SFI1: variants seen among roughly 807,000 people sequenced by gnomAD.
The protein encoded by SFI1 is protein SFI1 homolog.
Under a neutral mutation model 207.5 loss-of-function variants are expected in SFI1, and 195 were observed. The ratio of observed to expected loss-of-function variants is 0.94; its 90% CI spans 0.84 to 1.06. SFI1 has a LOEUF of 1.06. Ranked by LOEUF, SFI1 falls within the 50% of genes least tolerant of loss-of-function variation. The pLI, the probability that SFI1 is intolerant of heterozygous loss-of-function variation, is 0.00. For synonymous variants in SFI1, 630 were observed against 598.9 expected, an observed-to-expected ratio of 1.05 and a Z score of -0.76; for missense variants, 1,634 against 1,588.0, an observed-to-expected ratio of 1.03 and a Z score of -0.49.
intron 5 of SFI1, among the ~76,000 whole-genome samples, chr22:31,547,522 G>A (rs1023735932): frequency 2.0e-5 from 3 of 151,896 alleles, no homozygotes; most frequent in African/African-American, 4.8e-5. Context: ...TGTTGGCTGG[G>A]CTGGTCTTGA....
At chr22:31,563,269 A>G (rs2061916541) in intron 8 of SFI1, among the ~76,000 whole-genome samples, 2 of 152,206 alleles carry the variant, frequency 1.3e-5, no homozygotes, top group South Asian at 4.1e-4. Context: ...CTGGGATTAC[A>G]GGCGTGAACC....
chr22:31,613,824 C>T lies in SFI1; in HGVS notation c.2965C>T (p.Leu989=). Residue 989 remains leucine (L), a synonymous_variant, in exon 27 of 33, where the codon CTG becomes TTG. Coordinates refer to ENST00000400288, the MANE Select transcript of SFI1 (RefSeq NM_001007467.3). ...ASRPLGALGR[L]AAEEPHALEL... ...TCGGCCTCTGGGAGCTCTGGGCCGC[C>T]TGGCTGCTGAGGAGCCCCACGCCCT... The T allele has an allele frequency of 1.2e-6, 2 of 1,609,578 alleles. No individual in the cohort carries two copies. The highest frequency in any genetic ancestry group is 8.5e-7 in the Non-Finnish European group (1 of 1,178,378).
intron 8 of SFI1, among the ~76,000 whole-genome samples, chr22:31,568,507 G>T (rs2062621299): frequency 7.0e-6 from 1 of 142,424 alleles, no homozygotes; most frequent in Non-Finnish European, 1.5e-5. Context: ...ACTTCAGCCT[G>T]GGCGACAGGG....
At chr22:31,594,458 G>A (rs185915388) in intron 15 of SFI1, among the ~76,000 whole-genome samples, 1 of 151,206 alleles carries the variant, frequency 6.6e-6, no homozygotes, top group African/African-American at 2.4e-5. Context: ...TGAGGCAGGA[G>A]AATTGCTTGA....
At chr22:31,602,881 T>C (rs2068344972) in intron 17 of SFI1, 96 bp downstream of exon 17, 2 of 1,339,776 alleles carry the variant, frequency 1.5e-6, no homozygotes, top group African/African-American at 1.5e-5. Context: ...TCTGGAGGAC[T>C]GCATTACCCC....
chr22:31,593,038 C>T (rs1481525985), intron 15 of SFI1, among the ~76,000 whole-genome samples: 1 of 134,750 alleles, frequency 7.4e-6, no homozygotes, highest in Non-Finnish European at 1.6e-5. Flanking sequence ...GGGGGGCTGA[C>T]CCCCCCACCT....
intron 5 of SFI1, among the ~76,000 whole-genome samples, chr22:31,547,553 C>T (rs766602799): frequency 1.3e-5 from 2 of 151,886 alleles, no homozygotes; most frequent in African/African-American, 2.4e-5. Flanking sequence ...TCAGGTGATC[C>T]GCCTGCCTTG....
chr22:31,614,682 T>C, intron 27 of SFI1, 107 bp from the exon 28 acceptor site: 2 of 1,347,382 alleles, frequency 1.5e-6, no homozygotes, highest in Non-Finnish European at 2.1e-6. Flanking sequence ...TGGCCTCGCC[T>C]TTCCTGACTT....
chr22:31,568,121 G>GAACTGT (rs2062512505), intron 8 of SFI1, among the ~76,000 whole-genome samples: 1 of 149,094 alleles, frequency 6.7e-6, no homozygotes, highest in African/African-American at 2.5e-5. Context: ...TCTGCAATTG[G>GAACTGT]AACTGTAAAT....
intron 15 of SFI1, among the ~76,000 whole-genome samples, chr22:31,591,284 G>A (rs1263297827): frequency 1.3e-5 from 2 of 151,978 alleles, no homozygotes; most frequent in Middle Eastern, 3.2e-3. Flanking sequence ...AGGGTTGGGG[G>A]TAAGGTCACA....
rs992671068 is a variant in SFI1 at position 31,539,353 on chromosome 22, T to A, written c.339-7508T>A. 9.9e-5 allele frequency among the ~76,000 whole-genome samples: 15 copies of A among 152,054 alleles called. No individual in the cohort carries two copies. In the Middle Eastern group the frequency reaches 0.013, roughly 128 times the overall value. On this transcript the variant is annotated intron_variant, in intron 4 of 32. Transcript: ENST00000400288. ...TCCTGCTGAAAGTAAAAGCCCAGAG[T>A]CCTTACTGTGGTCTATAAGACCAAC... is the stretch of plus-strand genomic sequence containing the variant.
chr22:31,605,102 G>A (rs566947635), intron 20 of SFI1, 157 bp downstream of exon 20: 1 of 622,504 alleles, frequency 1.6e-6, no homozygotes, highest in Non-Finnish European at 2.7e-6. Context: ...TTCACTCACG[G>A]GTTCGCCTTC....
At chr22:31,612,969 G>A in intron 24 of SFI1, 173 bp from the exon 25 acceptor site, 1 of 628,640 alleles carries the variant, frequency 1.6e-6, no homozygotes, top group Non-Finnish European at 2.7e-6. Flanking sequence ...GGCCACAGAT[G>A]GAGCGTGTGT....
At position 31,604,961 on chromosome 22, in the gene SFI1, G is replaced by A. The variant is rs763035867; in HGVS notation, c.2054+16G>A. ...AGCTGCTGCGGTGAGTCTCCCGGGC[G>A]CCTCCCAAGCTCCAGCTGGGGAACA... On this transcript the variant is annotated intron_variant, in intron 20 of 32. Coordinates refer to ENST00000400288, the MANE Select transcript of SFI1 (RefSeq NM_001007467.3). 15 of 1,580,564 alleles carry A rather than the reference G, an allele frequency of 9.5e-6. No individual in the cohort carries two copies. The highest frequency in any genetic ancestry group is 8.1e-5 in the African/African-American group (6 of 73,718).
chr22:31,541,154 C>A (rs906714360), intron 4 of SFI1, among the ~76,000 whole-genome samples: 1 of 152,158 alleles, frequency 6.6e-6, no homozygotes, highest in South Asian at 2.1e-4. Context: ...CCTCCTGATG[C>A]GTCTCATTTC....
intron 11 of SFI1, 62 bp downstream of exon 11, chr22:31,578,514 G>T: frequency 6.6e-7 from 1 of 1,522,142 alleles, no homozygotes. Flanking sequence ...TCCACTCTTG[G>T]GGGACCCTGA....
Position 31,566,945 on chromosome 22 carries a change from A to C in SFI1, c.765+5553A>C, listed in dbSNP as rs1318938668. Among the ~76,000 whole-genome samples the C allele has an allele frequency of 2.6e-5, 4 of 151,874 alleles. No individual in the cohort carries two copies. In the East Asian group the frequency reaches 7.7e-4, roughly 29 times the overall value. On this transcript the variant is annotated intron_variant, in intron 8 of 32. Coordinates refer to ENST00000400288, the MANE Select transcript of SFI1 (RefSeq NM_001007467.3). ...CTTTTGAGACATGTCTCACTCTGTCACCCAGGCTGGAGTGCAGTGGTGCGA... is the reference window on the plus strand; with the variant it reads ...CTTTTGAGACATGTCTCACTCTGTCCCCCAGGCTGGAGTGCAGTGGTGCGA...
intron 24 of SFI1, chr22:31,612,393 AAAAAAATAT>A (rs1266418908): frequency 8.6e-5 from 10 of 116,160 alleles, no homozygotes; most frequent in African/African-American, 3.4e-4. Context: ...AAAAAAAAAA[AAAAAAATAT>A]ATATATATAT....
At chr22:31,524,881 A>G (rs143385213) in intron 2 of SFI1, among the ~76,000 whole-genome samples, 3,517 of 151,586 alleles carry the variant, frequency 0.023, 122 homozygotes, top group African/African-American at 0.08. Flanking sequence ...TGCAACCACC[A>G]CCTCCCAGGT....
Sources: gnomAD v4.1 joint callset for allele counts (sites outside exome capture counted in the v4.1 genomes callset) on GRCh38, gnomAD v4.1.1 for gene constraint, MANE v1.5 for transcripts, NCBI Gene and HGNC (gene_info 2026-07-23, HGNC 2026-07-21) for gene names.